The following MTTP variants were observed in gnomAD, a reference collection of about 807,000 sequenced individuals.
MTTP encodes the protein microsomal triglyceride transfer protein large subunit.
Under a neutral mutation model 90.6 loss-of-function variants are expected in MTTP, and 49 were observed. The ratio of observed to expected loss-of-function variants is 0.54; its 90% confidence interval spans 0.43 to 0.69. The LOEUF (loss-of-function observed/expected upper bound fraction) is 0.69, where lower values mean the gene tolerates loss of function less well. MTTP is among the 30% of genes least tolerant of loss of function. MTTP has a pLI of 0.00. For missense variants in MTTP, 945 were observed against 1,067.5 expected, an observed-to-expected ratio of 0.89 and a Z score of 1.60; for synonymous variants, 347 against 384.2, an observed-to-expected ratio of 0.90 and a Z score of 1.13.
At position 99,606,557 on chromosome 4, in the gene MTTP, T is replaced by A. The variant is rs189342774; in HGVS notation, c.1345-191T>A. Among the ~76,000 whole-genome samples, 369 of 152,228 alleles carry A rather than the reference T, an allele frequency of 2.4e-3. 1 individual carries two copies. Among genetic ancestry groups the A allele is most frequent in the African/African-American group, 8.1e-3 (335 of 41,516 alleles). On this transcript the variant is annotated intron_variant, in intron 10 of 17. Coordinates refer to ENST00000265517, the MANE Select transcript of MTTP (RefSeq NM_001386140.1). Reference sequence around the variant, plus strand: ...CTTAAGAATGTATATGTATTTTTTTTAAAAAAAGCATAACACCTTTATCAA... The same window carrying A: ...CTTAAGAATGTATATGTATTTTTTTAAAAAAAAGCATAACACCTTTATCAA...
intron 1 of MTTP, among the ~76,000 whole-genome samples, chr4:99,578,631 G>C (rs1344983653): frequency 6.6e-6 from 1 of 152,122 alleles, no homozygotes; most frequent in Non-Finnish European, 1.5e-5. Flanking sequence ...GTAAAGTAGA[G>C]GTAAGAAAAG....
At chr4:99,611,107 T>C (rs2110231645) in intron 12 of MTTP, 36 bp from the exon 13 acceptor site, 8 of 1,585,986 alleles carry the variant, frequency 5.0e-6, no homozygotes, top group Non-Finnish European at 6.9e-6. Flanking sequence ...GTCATTACAA[T>C]GAATGTGCAG....
At chr4:99,600,233 A>G (rs1231436743) in intron 8 of MTTP, among the ~76,000 whole-genome samples, 5 of 152,196 alleles carry the variant, frequency 3.3e-5, no homozygotes, top group African/African-American at 1.2e-4. Flanking sequence ...TCATATAGGA[A>G]AGAATTTGAA....
chr4:99,566,297 G>GAAAAA (rs567380343), intron 1 of MTTP, among the ~76,000 whole-genome samples: 3 of 117,536 alleles, frequency 2.6e-5, no homozygotes, highest in African/African-American at 5.9e-5. Flanking sequence ...TCAAAAAAAA[G>GAAAAA]AAAAAAAAAA....
chr4:99,604,176 A>G (rs1725760755), intron 10 of MTTP, among the ~76,000 whole-genome samples: 1 of 152,170 alleles, frequency 6.6e-6, no homozygotes, highest in Non-Finnish European at 1.5e-5. Flanking sequence ...TATGTATTGT[A>G]TTAAATAAGC....
intron 10 of MTTP, among the ~76,000 whole-genome samples, chr4:99,603,688 CTAT>C (rs1364257443): frequency 2.0e-5 from 3 of 152,018 alleles, no homozygotes; most frequent in Non-Finnish European, 4.4e-5. Context: ...GAGAGTAGAG[CTAT>C]TAGTTTGTTT....
At chr4:99,611,303 A>C (rs777849060) in intron 13 of MTTP, 29 bp from the exon 14 acceptor site, 7 of 1,613,920 alleles carry the variant, frequency 4.3e-6, no homozygotes, top group Non-Finnish European at 5.9e-6. Flanking sequence ...TGGAACTGCT[A>C]TTAAATTACA....
chr4:99,570,305 TTCTC>T (rs966484220), upstream of MTTP, among the ~76,000 whole-genome samples: 5 of 152,176 alleles, frequency 3.3e-5, no homozygotes, highest in African/African-American at 9.6e-5. Flanking sequence ...CACAAGTATT[TTCTC>T]TCAGCACATT....
chr4:99,589,825 G>GTAACTCTTCTACTGA, intron 4 of MTTP, 75 bp downstream of exon 4: 2 of 1,026,604 alleles, frequency 1.9e-6, no homozygotes, highest in Non-Finnish European at 3.0e-6. Context: ...AATTTCAGTA[G>GTAACTCTTCTACTGA]AAGAGTTACT....
intron 15 of MTTP, 93 bp from the exon 16 acceptor site, chr4:99,618,881 T>C: frequency 6.6e-7 from 1 of 1,506,596 alleles, no homozygotes; most frequent in Non-Finnish European, 9.1e-7. Flanking sequence ...AATGGAATTA[T>C]CTACAGCAGG....
intron 11 of MTTP, among the ~76,000 whole-genome samples, chr4:99,608,263 A>T (rs1296160516): frequency 6.6e-6 from 1 of 151,932 alleles, no homozygotes; most frequent in Non-Finnish European, 1.5e-5. Context: ...TGGCCAACAT[A>T]GTGAAACCCC....
chr4:99,579,517 G>A (rs769241634), intron 1 of MTTP, among the ~76,000 whole-genome samples: 4 of 152,110 alleles, frequency 2.6e-5, no homozygotes, highest in Non-Finnish European at 5.9e-5. Flanking sequence ...GTAGCTCACC[G>A]AAAACCTTTG....
intron 1 of MTTP, among the ~76,000 whole-genome samples, chr4:99,567,684 A>G (rs1724735597): frequency 6.6e-6 from 1 of 152,184 alleles, no homozygotes; most frequent in Non-Finnish European, 1.5e-5. Flanking sequence ...AAACTACTGA[A>G]AGTAGAATCC....
chr4:99,622,373 A>C (rs747887271), intron 17 of MTTP, among the ~76,000 whole-genome samples: 1 of 152,218 alleles, frequency 6.6e-6, no homozygotes, highest in African/African-American at 2.4e-5. Context: ...TCTGGAATGA[A>C]GGGTGAGACA....
At chr4:99,578,179 A>C (rs28435607) in intron 1 of MTTP, among the ~76,000 whole-genome samples, 39,838 of 152,148 alleles carry the variant, frequency 0.26, 5,378 homozygotes, top group South Asian at 0.35. Context: ...TATTTCTTGA[A>C]GATTCAAAAC....
At chr4:99,582,737 TG>T (rs1336634576) in intron 2 of MTTP, among the ~76,000 whole-genome samples, 1 of 152,152 alleles carries the variant, frequency 6.6e-6, no homozygotes, top group African/African-American at 2.4e-5. Context: ...TTCTACATCT[TG>T]GTGTGAAACA....
chr4:99,617,085 T>C (rs1578256280), intron 15 of MTTP, among the ~76,000 whole-genome samples: 2 of 152,340 alleles, frequency 1.3e-5, no homozygotes, highest in Admixed American at 6.5e-5. Flanking sequence ...GGAGTACACA[T>C]ACAGAACTCT....
chr4:99,611,401 G>C lies in MTTP; in HGVS notation c.1937G>C (p.Ser646Thr). ...TCGGGTTCTGGCATTCTAAGGAGAAGTAACCTGAACATCTTTCAGTACATT... is the reference window on the plus strand; with the variant it reads ...TCGGGTTCTGGCATTCTAAGGAGAACTAACCTGAACATCTTTCAGTACATT... ...LYSGSGILRR[S>T]NLNIFQYIGK... is the part of the protein sequence containing the mutation. The change falls in exon 14 of 18, where the codon AGT (serine) becomes ACT (threonine). Residue 646 changes from serine to threonine, a missense_variant. Physicochemically the swap from Ser to Thr is moderately conservative, Grantham distance 58. Transcript: ENST00000265517. 6.2e-7 allele frequency: 1 copy of C among 1,614,086 alleles called. No homozygotes were observed. The highest frequency in any genetic ancestry group is 2.2e-5 in the East Asian group (1 of 44,882).
chr4:99,577,617 AAAAAAG>A (rs1301861171), intron 1 of MTTP, among the ~76,000 whole-genome samples: 18 of 147,584 alleles, frequency 1.2e-4, no homozygotes, highest in South Asian at 2.3e-4. Context: ...AAAAAAAAAA[AAAAAAG>A]AAAGAAAAGA....
Sources: gnomAD v4.1 joint callset for allele counts (sites outside exome capture counted in the v4.1 genomes callset) on GRCh38, gnomAD v4.1.1 for gene constraint, MANE v1.5 for transcripts, NCBI Gene and HGNC (gene_info 2026-07-23, HGNC 2026-07-21) for gene names.